The following ACP7 variants were observed in gnomAD, a reference collection of about 807,000 sequenced individuals.
ACP7 encodes acid phosphatase 7, tartrate resistant (putative), also known as acid phosphatase type 7.
Under a neutral mutation model 60.6 loss-of-function variants are expected in ACP7, and 58 were observed. That is an observed-to-expected ratio of 0.96 (90% CI 0.77 to 1.19). ACP7 has a LOEUF of 1.19. Among genes scored for constraint, ACP7 ranks in the 50% most tolerant of loss-of-function variants. ACP7 has a pLI of 0.00. For synonymous variants in ACP7, 237 were observed against 232.6 expected (o/e 1.02, Z -0.17); for missense variants, 574 against 596.2 (o/e 0.96, Z 0.39).
chr19:39,101,354 A>G lies in ACP7; in HGVS notation c.1040A>G (p.Gln347Arg), dbSNP rs1465375128. 3.1e-6 allele frequency: 5 copies of G among 1,614,026 alleles called. No homozygotes were observed. The African/African-American group carries it at 5.3e-5, about 17-fold the overall frequency. Residue 347 changes from glutamine to arginine, a missense_variant and splice_region_variant, in exon 10 of 13, where the codon CAG (glutamine) becomes CGG (arginine). Transcript: ENST00000331256. ...CGACTGTGGCCAATTTACAACTACC[A>G]GGTGAGGCACGTGAAGGGCTGAGCG... Reference protein sequence around the residue: ...YERLWPIYNYQVFNGSREMPY... With the variant: ...YERLWPIYNYRVFNGSREMPY...
In ACP7 at chr19:39,110,217, A is replaced by C. The variant is rs112588486; in HGVS notation, c.*99A>C. ...TGGGTGGGGAGTTGGGTGGGCCCTGACTCCCCTGCCCTCCAGAGGCCCCAT... is the reference window on the plus strand; with the variant it reads ...TGGGTGGGGAGTTGGGTGGGCCCTGCCTCCCCTGCCCTCCAGAGGCCCCAT... On this transcript the variant is annotated 3_prime_UTR_variant, in exon 13 of 13. Coordinates refer to ENST00000331256, the MANE Select transcript of ACP7 (RefSeq NM_001004318.3). The C allele has an allele frequency of 2.1e-5, 24 of 1,153,632 alleles. No individual in the cohort carries two copies. The highest frequency in any genetic ancestry group is 2.3e-4 in the Middle Eastern group (1 of 4,280). 71.5% of individuals were successfully genotyped at this position (1,153,632 alleles called of 1,614,324 possible).
intron 11 of ACP7, among the ~76,000 whole-genome samples, chr19:39,104,675 G>A (rs2145035025): frequency 6.6e-6 from 1 of 152,308 alleles, no homozygotes; most frequent in East Asian, 1.9e-4. Context: ...CCCAAGGTTA[G>A]GAGTTTGAGA....
intron 12 of ACP7, among the ~76,000 whole-genome samples, chr19:39,109,503 G>A (rs753913966): frequency 1.3e-5 from 2 of 151,800 alleles, no homozygotes; most frequent in African/African-American, 2.4e-5. Flanking sequence ...TCAGGAGTTC[G>A]AGACCAGCCT....
chr19:39,099,495 C>T (rs975924440), intron 4 of ACP7, among the ~76,000 whole-genome samples: 1 of 152,064 alleles, frequency 6.6e-6, no homozygotes, highest in Admixed American at 6.6e-5. Context: ...CTTCGGTGTC[C>T]TTGTGCTGGT....
chr19:39,102,715 T>TTTCTTTCTTTCTTTTTTC (rs1555769414), intron 11 of ACP7, among the ~76,000 whole-genome samples: 1 of 118,616 alleles, frequency 8.4e-6, no homozygotes, highest in Non-Finnish European at 1.8e-5. Context: ...CAATGAAGAC[T>TTTCTTTCTTTCTTTTTTC]TTTCTTTCTT....
chr19:39,106,361 C>G (rs1293157770), intron 11 of ACP7, among the ~76,000 whole-genome samples: 1 of 152,148 alleles, frequency 6.6e-6, no homozygotes, highest in East Asian at 1.9e-4. Context: ...TTAACTGACT[C>G]CCTGATGGGC....
rs559756691 is a variant in ACP7, at chr19:39,100,177, A to G, written c.506-50A>G. 1.9e-6 allele frequency: 3 copies of G among 1,602,714 alleles called. No homozygotes were observed. The South Asian group carries it at 3.3e-5, about 18-fold the overall frequency. On this transcript the variant is annotated intron_variant, in intron 4 of 12. Coordinates refer to ENST00000331256, the MANE Select transcript of ACP7 (RefSeq NM_001004318.3). ...ATACCTGGCTCTCTCAATTCCAGTG[A>G]AAGCAGAGCTGGGCCTGGGTCCTCA...
Position 39,100,357 on chromosome 19 carries a change from A to G in ACP7, c.629+7A>G, listed in dbSNP as rs752015361. 6.2e-7 allele frequency: 1 copy of G among 1,613,844 alleles called. No homozygotes were observed. The highest frequency in any genetic ancestry group is 1.1e-5 in the South Asian group (1 of 91,050). On this transcript the variant is annotated splice_region_variant and intron_variant, in intron 5 of 12. Transcript: ENST00000331256. ...GGAATCATGAAGAACGCTAGTGAGG[A>G]CTGAGGGTGGTGGCGGTGGGCGAGG...
At chr19:39,100,465 G>A (rs1255055208) in intron 5 of ACP7, 115 bp downstream of exon 5, 25 of 1,601,546 alleles carry the variant, frequency 1.6e-5, no homozygotes, top group Non-Finnish European at 2.0e-5. Flanking sequence ...GTGGTAGCAA[G>A]AGGAGATGGG....
chr19:39,098,375 C>A, intron 2 of ACP7, 83 bp from the exon 3 acceptor site: 1 of 1,100,572 alleles, frequency 9.1e-7, no homozygotes, highest in Non-Finnish European at 1.2e-6. Context: ...CAACAGTGGT[C>A]AACGCCCCTC....
chr19:39,102,346 G>C (rs2073356784), intron 11 of ACP7, among the ~76,000 whole-genome samples: 2 of 151,702 alleles, frequency 1.3e-5, no homozygotes, highest in Admixed American at 1.3e-4. Context: ...ACTATCTTGG[G>C]GGAGATCCTG....
chr19:39,085,367 A>T lies in ACP7; in HGVS notation c.98A>T (p.Glu33Val). The T allele has an allele frequency of 6.2e-7, 1 of 1,612,842 alleles. No individual in the cohort carries two copies. The highest frequency in any genetic ancestry group is 1.1e-5 in the South Asian group (1 of 90,880). The change falls in exon 2 of 13, where the codon GAG (glutamate) becomes GTG (valine). Residue 33 changes from glutamate (E) to valine (V), a missense_variant. Transcript: ENST00000331256. The part of the protein sequence containing the change: ...GSLGAPSAAP[E>V]QVHLSYPGEP... ...CTGGGGGCTCCCAGCGCTGCCCCAG[A>T]GCAAGTCCATCTGTCTTACCCAGGT... is the stretch of plus-strand genomic sequence containing the variant.
At chr19:39,100,387 G>A in intron 5 of ACP7, 37 bp downstream of exon 5, 1 of 1,610,706 alleles carries the variant, frequency 6.2e-7, no homozygotes, top group Non-Finnish European at 8.5e-7. Context: ...GCGAGGGCTG[G>A]ATCAATGGAA....
In ACP7 at chr19:39,086,595, A is replaced by C. The variant is rs1374462208; in HGVS notation, c.121+1205A>C. On this transcript the variant is annotated intron_variant, in intron 2 of 12. Coordinates refer to ENST00000331256, the MANE Select transcript of ACP7 (RefSeq NM_001004318.3). ...CAATGAGCCAAGATCATGCCATTAC[A>C]CTCCAACCTGGCTGACAGAATGAGG... Among the ~76,000 whole-genome samples, 3 of 127,432 alleles carry C rather than the reference A, an allele frequency of 2.4e-5. No homozygotes were observed. In the Admixed American group the frequency reaches 2.8e-4, roughly 12 times the overall value. The allele number at this position is 127,432 out of a possible 152,430, so 83.6% of individuals were successfully genotyped here.
intron 2 of ACP7, among the ~76,000 whole-genome samples, chr19:39,096,850 G>C (rs1455989836): frequency 6.6e-6 from 1 of 152,096 alleles, no homozygotes; most frequent in Non-Finnish European, 1.5e-5. Context: ...TTGCCAGGCT[G>C]GAATGCAGTG....
chr19:39,099,162 G>A lies in ACP7; in HGVS notation c.505+20G>A, dbSNP rs751266044. On this transcript the variant is annotated intron_variant, in intron 4 of 12. Transcript: ENST00000331256. ...ATGTGGGTGAGGCATCCGCAGGGGC[G>A]CGCGCAGGGACGGTGGGGGGCGCGC... 3.5e-5 allele frequency: 52 copies of A among 1,493,310 alleles called. No homozygotes were observed. Among genetic ancestry groups the A allele is most frequent in the Non-Finnish European group, 4.2e-5 (47 of 1,131,800 alleles). The allele number at this position is 1,493,310 out of a possible 1,614,324, so 92.5% of individuals were successfully genotyped here. A position where few individuals can be genotyped will look rare whatever the true frequency, so the allele number is the denominator to read the frequency against.
intron 2 of ACP7, among the ~76,000 whole-genome samples, chr19:39,088,204 G>A (rs1345412566): frequency 2.6e-5 from 4 of 151,376 alleles, no homozygotes; most frequent in Non-Finnish European, 5.9e-5. Flanking sequence ...TTTATTTTTT[G>A]TAGAGACAAG....
intron 2 of ACP7, among the ~76,000 whole-genome samples, chr19:39,093,172 C>CTCTCTTTCTTTCTT (rs2073226913): frequency 2.5e-5 from 2 of 80,866 alleles, no homozygotes; most frequent in African/African-American, 5.1e-5. Flanking sequence ...CTTTCTTTCT[C>CTCTCTTTCTTTCTT]TCCTTCCTTC....
At chr19:39,098,860 TC>T in intron 3 of ACP7, 99 bp from the exon 4 acceptor site, 3 of 1,444,376 alleles carry the variant, frequency 2.1e-6, no homozygotes, top group Non-Finnish European at 2.8e-6. Flanking sequence ...CCCCCACCAG[TC>T]CCCCCATCTC....
Sources: gnomAD v4.1 joint callset for allele counts (sites outside exome capture counted in the v4.1 genomes callset) on GRCh38, gnomAD v4.1.1 for gene constraint, MANE v1.5 for transcripts, NCBI Gene and HGNC (gene_info 2026-07-23, HGNC 2026-07-21) for gene names.